The following RASAL2 variants were observed in gnomAD, a reference collection of about 807,000 sequenced individuals.
RASAL2 encodes RAS protein activator like 2, also known as ras GTPase-activating protein nGAP.
In RASAL2, 58 loss-of-function variants were observed where a neutral mutation model predicts 128.9. The ratio of observed to expected loss-of-function variants is 0.45; its 90% CI spans 0.36 to 0.56. The LOEUF (loss-of-function observed/expected upper bound fraction) is 0.56. Among genes scored for constraint, RASAL2 ranks in the 20% least tolerant of loss-of-function variants. RASAL2 has a pLI of 0.00. For synonymous variants in RASAL2, 561 were observed against 580.8 expected (o/e 0.97, Z 0.49); for missense variants, 1,360 against 1,601.6 (o/e 0.85, Z 2.57).
intron 1 of RASAL2, among the ~76,000 whole-genome samples, chr1:178,196,223 C>T (rs1195511713): frequency 6.6e-6 from 1 of 151,588 alleles, no homozygotes; most frequent in Non-Finnish European, 1.5e-5. Context: ...TTATATATAC[C>T]TAAAAATATA....
intron 9 of RASAL2, 112 bp downstream of exon 9, chr1:178,445,774 A>G: frequency 1.8e-6 from 2 of 1,139,340 alleles, no homozygotes; most frequent in Non-Finnish European, 2.4e-6. Flanking sequence ...GTTCTAGCTG[A>G]CTCAGGTGTT....
At chr1:178,138,458 C>T (rs758883807) in intron 1 of RASAL2, among the ~76,000 whole-genome samples, 2 of 152,054 alleles carry the variant, frequency 1.3e-5, no homozygotes, top group Non-Finnish European at 2.9e-5. Context: ...TTTTATCATA[C>T]ACACTAAGGC....
At chr1:178,226,929 G>A (rs1041500687) in intron 1 of RASAL2, among the ~76,000 whole-genome samples, 3 of 152,026 alleles carry the variant, frequency 2.0e-5, no homozygotes, top group Non-Finnish European at 4.4e-5. Flanking sequence ...GACAGAATGA[G>A]ACTGTCTCAG....
At chr1:178,408,725 C>CA (rs1403332860) in intron 4 of RASAL2, among the ~76,000 whole-genome samples, 1 of 151,424 alleles carries the variant, frequency 6.6e-6, no homozygotes, top group Non-Finnish European at 1.5e-5. Flanking sequence ...GTAGAAGTTA[C>CA]ATATAATACA....
At chr1:178,297,869 G>A (rs1667589170) in intron 2 of RASAL2, among the ~76,000 whole-genome samples, 1 of 152,040 alleles carries the variant, frequency 6.6e-6, no homozygotes, top group South Asian at 2.1e-4. Context: ...GACAAAATAT[G>A]TCCTCATAGA....
intron 5 of RASAL2, among the ~76,000 whole-genome samples, chr1:178,425,610 G>A (rs1381766841): frequency 1.4e-5 from 2 of 148,090 alleles, no homozygotes; most frequent in Admixed American, 1.3e-4. Context: ...TCTGAAAGTG[G>A]ACAGTCCTGT....
At chr1:178,236,206 T>G (rs955666524) in intron 1 of RASAL2, among the ~76,000 whole-genome samples, 2 of 152,168 alleles carry the variant, frequency 1.3e-5, no homozygotes, top group Non-Finnish European at 2.9e-5. Context: ...TTACATCAGC[T>G]ATAAAGTTGT....
In RASAL2 at chr1:178,242,940, G is replaced by A. The variant is rs373765740; in HGVS notation, c.203-40624G>A. Among the ~76,000 whole-genome samples, 5 of 151,952 alleles carry A rather than the reference G, an allele frequency of 3.3e-5. No homozygotes were observed. The East Asian group carries it at 7.7e-4, about 23-fold the overall frequency. On this transcript the variant is annotated intron_variant, in intron 1 of 17. Coordinates refer to ENST00000367649, the MANE Select transcript of RASAL2 (RefSeq NM_170692.4). Reference sequence around the variant, plus strand: ...TCTAATTGATTCTGAAGCATTTTATGACATGCAATTTAAACTTCTCAGATA... The same window carrying A: ...TCTAATTGATTCTGAAGCATTTTATAACATGCAATTTAAACTTCTCAGATA...
rs773985228 is a variant in RASAL2 at position 178,456,830 on chromosome 1, A to T, written c.2321A>T (p.Asn774Ile). 1 of 1,614,092 alleles carries T rather than the reference A, an allele frequency of 6.2e-7. No individual in the cohort carries two copies. The highest frequency in any genetic ancestry group is 1.1e-5 in the South Asian group (1 of 91,060). The change falls in exon 13 of 18, where the codon AAC becomes ATC. Residue 774 changes from asparagine (N) to isoleucine (I), a missense_variant. Around this residue, in one of 3 missense-constraint regions of RASAL2, gnomAD observed 741 missense variants for 868.6 expected, o/e 0.85. Transcript: ENST00000367649. ...QQQLRRFTEH[N>I]SSPNVSGSLS... ...CAACTGAGACGCTTCACTGAACATA[A>T]CTCCAGTCCAAATGTCAGTGGAAGC...
At chr1:178,256,629 C>T (rs143701757) in intron 1 of RASAL2, among the ~76,000 whole-genome samples, 154 of 152,286 alleles carry the variant, frequency 1.0e-3, no homozygotes, top group African/African-American at 3.5e-3. Context: ...AAATATATAA[C>T]TTCACCTTGA....
At chr1:178,367,893 GAAA>G (rs1419924927) in intron 3 of RASAL2, among the ~76,000 whole-genome samples, 5 of 152,172 alleles carry the variant, frequency 3.3e-5, no homozygotes, top group African/African-American at 1.2e-4. Flanking sequence ...ATTAAGTACT[GAAA>G]ATATGTTGCC....
At chr1:178,257,847 G>GAAAAAAAAAAA (rs71108038) in intron 1 of RASAL2, among the ~76,000 whole-genome samples, 1 of 128,068 alleles carries the variant, frequency 7.8e-6, no homozygotes. Flanking sequence ...TCTCAAAAAA[G>GAAAAAAAAAAA]AAAAAAAAAA....
At chr1:178,427,796 G>A (rs1434413660) in intron 5 of RASAL2, among the ~76,000 whole-genome samples, 1 of 152,026 alleles carries the variant, frequency 6.6e-6, no homozygotes, top group African/African-American at 2.4e-5. Context: ...TTGTGCATGT[G>A]TGTGTGTGTA....
chr1:178,383,346 A>G (rs1672384412), intron 3 of RASAL2, among the ~76,000 whole-genome samples: 1 of 152,204 alleles, frequency 6.6e-6, no homozygotes, highest in African/African-American at 2.4e-5. Flanking sequence ...CTGACAGTGC[A>G]TAGGCTTTAA....
rs747336511 is a variant in RASAL2, at chr1:178,458,110, T to G, written c.2818T>G (p.Ser940Ala). The G allele has an allele frequency of 6.2e-7, 1 of 1,614,194 alleles. No individual in the cohort carries two copies. The highest frequency in any genetic ancestry group is 1.7e-5 in the Admixed American group (1 of 60,026). ...NNPIPAMPKA[S>A]IDSSLENLST... ...CCCAATTCCAGCAATGCCAAAGGCC[T>G]CTATAGATTCCAGTTTGGAGAACCT... The change falls in exon 14 of 18, where the codon TCT becomes GCT. Residue 940 changes from serine to alanine, a missense_variant. Ser to Ala is a moderately conservative substitution (Grantham distance 99). This residue lies in a region of RASAL2 where 741 missense variants were observed against 868.6 expected (regional missense o/e 0.85). Coordinates refer to ENST00000367649, the MANE Select transcript of RASAL2 (RefSeq NM_170692.4).
chr1:178,211,352 A>G (rs890064015), intron 1 of RASAL2, among the ~76,000 whole-genome samples: 5 of 151,978 alleles, frequency 3.3e-5, no homozygotes, highest in Admixed American at 1.3e-4. Context: ...TCCCTTTCCC[A>G]TCTAATTTCC....
chr1:178,453,235 GGA>G (rs1677517372), intron 11 of RASAL2, among the ~76,000 whole-genome samples: 1 of 151,896 alleles, frequency 6.6e-6, no homozygotes, highest in Non-Finnish European at 1.5e-5. Flanking sequence ...GGCAATGGGT[GGA>G]ATTTAAATAT....
intron 3 of RASAL2, among the ~76,000 whole-genome samples, chr1:178,321,252 T>C (rs944792308): frequency 6.6e-6 from 1 of 151,974 alleles, no homozygotes; most frequent in Non-Finnish European, 1.5e-5. Context: ...CATGGCTAAT[T>C]TTTGTATTTT....
chr1:178,351,459 T>C (rs559414273), intron 3 of RASAL2, among the ~76,000 whole-genome samples: 3 of 152,232 alleles, frequency 2.0e-5, no homozygotes, highest in East Asian at 1.9e-4. Flanking sequence ...ACAATGAAAG[T>C]ATAGGCATTG....
Sources: gnomAD v4.1 joint callset for allele counts (sites outside exome capture counted in the v4.1 genomes callset) on GRCh38, gnomAD v4.1.1 for gene constraint, gnomAD v4.1.1 regional missense constraint, MANE v1.5 for transcripts, NCBI Gene and HGNC (gene_info 2026-07-23, HGNC 2026-07-21) for gene names.